The following ERI1 variants were observed in gnomAD, a reference collection of about 807,000 sequenced individuals.
ERI1 encodes the protein 3'-5' exoribonuclease 1.
A neutral mutation model predicts 39.7 loss-of-function variants in ERI1; 39 were observed. The observed-to-expected ratio is 0.98, with a 90% CI of 0.76 to 1.28. The LOEUF is 1.28. Ranked by LOEUF, ERI1 falls within the 50% of genes most tolerant of loss-of-function variation. The pLI is 0.00. For synonymous variants in ERI1, 204 were observed against 149.6 expected (o/e 1.36, Z -2.65); for missense variants, 581 against 416.9 (o/e 1.39, Z -3.43).
Position 9,005,743 on chromosome 8 carries a change from C to T in ERI1, c.109-2227C>T, listed in dbSNP as rs533274074. Among the ~76,000 whole-genome samples, 79 of 152,206 alleles carry T rather than the reference C, an allele frequency of 5.2e-4. 1 individual carries two copies. The highest frequency in any genetic ancestry group is 1.8e-3 in the African/African-American group (76 of 41,508). On this transcript the variant is annotated intron_variant, in intron 1 of 6. Transcript: ENST00000250263. ...TCTCCTGACCTCGTTATCCGCCCGC[C>T]TCGGCCTCCCAAAGTGCTGGGATTA...
rs542305282 is a variant in ERI1 at position 9,004,128 on chromosome 8, C to A, written c.108+957C>A. 58 of 1,289,324 alleles carry A rather than the reference C, an allele frequency of 4.5e-5. No homozygotes were observed. In the African/African-American group the frequency reaches 8.8e-4, roughly 20 times the overall value. The allele number at this position is 1,289,324 out of a possible 1,614,324, so 79.9% of individuals were successfully genotyped here. ...TTGGAAAGAAGGTCTCGTTAAGGAT[C>A]TCTGTATGTTCCTTTTGCCCTGTGT... is the stretch of plus-strand genomic sequence containing the variant. On this transcript the variant is annotated intron_variant, in intron 1 of 6. Transcript: ENST00000250263.
At chr8:9,026,435 A>G (rs1211597245) in intron 6 of ERI1, among the ~76,000 whole-genome samples, 2 of 151,970 alleles carry the variant, frequency 1.3e-5, no homozygotes, top group East Asian at 1.9e-4. Flanking sequence ...TTCTGTCTCT[A>G]TCAGTTTGAC....
At chr8:9,064,744 G>A (rs1798813171) in intron 3 of ERI1, among the ~76,000 whole-genome samples, 1 of 152,104 alleles carries the variant, frequency 6.6e-6, no homozygotes, top group South Asian at 2.1e-4. Flanking sequence ...GGAGGACAGG[G>A]GATTGATCTC....
At chr8:9,097,184 C>T (rs1173153785) in intron 3 of ERI1, among the ~76,000 whole-genome samples, 3 of 152,126 alleles carry the variant, frequency 2.0e-5, no homozygotes, top group African/African-American at 7.2e-5. Flanking sequence ...ATTCAATCCC[C>T]AGCGCTTTCT....
At chr8:9,034,397 G>C (rs1382884725), downstream of ERI1, among the ~76,000 whole-genome samples, 1 of 152,198 alleles carries the variant, frequency 6.6e-6, no homozygotes, top group Non-Finnish European at 1.5e-5. Context: ...TGTGAATCCT[G>C]TGTGGAGAAA....
Position 9,032,231 on chromosome 8 carries a change from T to C in ERI1, c.*2197T>C, listed in dbSNP as rs1050083514. 50 of 152,348 alleles carry C rather than the reference T, an allele frequency of 3.3e-4. No homozygotes were observed. Among genetic ancestry groups the C allele is most frequent in the African/African-American group, 1.0e-3 (43 of 41,580 alleles). The allele number at this position is 152,348 out of a possible 1,614,324, so 9.4% of individuals were successfully genotyped here. On this transcript the variant is annotated 3_prime_UTR_variant, in exon 7 of 7. Coordinates refer to ENST00000250263, the MANE Select transcript of ERI1 (RefSeq NM_153332.4). ...TTTTTACAAGGAAACACGTAAGAGATGGATGTCCATGAAAACAATATTAGT... is the reference window on the plus strand; with the variant it reads ...TTTTTACAAGGAAACACGTAAGAGACGGATGTCCATGAAAACAATATTAGT...
chr8:9,013,304 C>G (rs139896616), intron 3 of ERI1, among the ~76,000 whole-genome samples: 2 of 147,410 alleles, frequency 1.4e-5, no homozygotes, highest in East Asian at 4.0e-4. Flanking sequence ...CGTGAGCCAC[C>G]ATGCCCGGCC....
Position 9,029,469 on chromosome 8 carries a change from C to G in ERI1, c.808-323C>G, listed in dbSNP as rs537056608. On this transcript the variant is annotated intron_variant, in intron 6 of 6. Coordinates refer to ENST00000250263, the MANE Select transcript of ERI1 (RefSeq NM_153332.4). ...TCAGCCTCCCAGGTAGCTGGCATTA[C>G]AGATGTGCACCACCACGCCTGGCTA... Among the ~76,000 whole-genome samples, 5 of 152,226 alleles carry G rather than the reference C, an allele frequency of 3.3e-5. No individual in the cohort carries two copies. In the East Asian group the frequency reaches 9.7e-4, roughly 29 times the overall value.
chr8:9,006,750 T>G (rs1816061171), intron 1 of ERI1, among the ~76,000 whole-genome samples: 1 of 152,190 alleles, frequency 6.6e-6, no homozygotes, highest in African/African-American at 2.4e-5. Context: ...GTTCACACAT[T>G]GGAACTGCTG....
rs1797516855 is a variant in ERI1, at chr8:9,030,569, T to G, written c.*535T>G. ...TCGTAAGGTACTTGGTATACATATC[T>G]GCCTATGTTTCTTTTCAACTCATAA... On this transcript the variant is annotated 3_prime_UTR_variant, in exon 7 of 7. Coordinates refer to ENST00000250263, the MANE Select transcript of ERI1 (RefSeq NM_153332.4). The G allele has an allele frequency of 6.5e-6, 1 of 154,126 alleles. No homozygotes were observed. Among genetic ancestry groups the G allele is most frequent in the Non-Finnish European group, 1.4e-5 (1 of 69,114 alleles). The allele number at this position is 154,126 out of a possible 1,614,324, so 9.5% of individuals were successfully genotyped here. A position where few individuals can be genotyped will look rare whatever the true frequency, so the allele number is the denominator to read the frequency against.
In ERI1 at chr8:9,011,619, T is replaced by A. The variant is rs112570397; in HGVS notation, c.365T>A (p.Phe122Tyr). ...AAGCTGATGCTGAAAGAGAGCAATT[T>A]TGCTGACAGTTATTATGACTACATT... is the stretch of plus-strand genomic sequence containing the variant. ...KQKLMLKESN[F>Y]ADSYYDYICI... is the part of the protein sequence containing the mutation. Residue 122 changes from phenylalanine (F) to tyrosine (Y), a missense_variant, in exon 3 of 7, where the codon TTT (phenylalanine) becomes TAT (tyrosine). Coordinates refer to ENST00000250263, the MANE Select transcript of ERI1 (RefSeq NM_153332.4). 17 of 1,613,556 alleles carry A rather than the reference T, an allele frequency of 1.1e-5. No homozygotes were observed. Among genetic ancestry groups the A allele is most frequent in the Non-Finnish European group, 1.4e-5 (17 of 1,179,626 alleles).
chr8:9,017,592 T>C (rs1354487622), intron 4 of ERI1, among the ~76,000 whole-genome samples: 1 of 152,142 alleles, frequency 6.6e-6, no homozygotes, highest in African/African-American at 2.4e-5. Context: ...ACAGAGGGAA[T>C]AGAAGACTGT....
intron 3 of ERI1, among the ~76,000 whole-genome samples, chr8:9,041,859 C>T (rs748643160): frequency 2.0e-5 from 3 of 152,104 alleles, no homozygotes; most frequent in Admixed American, 6.6e-5. Flanking sequence ...CTCAGCCTCT[C>T]GAGTAGCTGG....
intron 3 of ERI1, among the ~76,000 whole-genome samples, chr8:9,054,292 T>G (rs905903894): frequency 6.6e-6 from 1 of 152,238 alleles, no homozygotes; most frequent in African/African-American, 2.4e-5. Context: ...ACATCAGTTA[T>G]GTACCCACTT....
At chr8:9,034,610 T>G (rs1797781606), downstream of ERI1, among the ~76,000 whole-genome samples, 1 of 152,170 alleles carries the variant, frequency 6.6e-6, no homozygotes, top group Non-Finnish European at 1.5e-5. Flanking sequence ...TTGATAAATG[T>G]CTGTGTTTTC....
At chr8:9,035,779 C>T (rs534529593), downstream of ERI1, among the ~76,000 whole-genome samples, 24 of 152,268 alleles carry the variant, frequency 1.6e-4, no homozygotes, top group South Asian at 2.1e-3. Context: ...GGTAGTGATT[C>T]GTCTGATGGA....
chr8:9,080,090 C>T (rs550107223), intron 3 of ERI1, among the ~76,000 whole-genome samples: 1 of 151,366 alleles, frequency 6.6e-6, no homozygotes, highest in Non-Finnish European at 1.5e-5. Flanking sequence ...TAGTGATTGG[C>T]TGTACATTGT....
intron 3 of ERI1, among the ~76,000 whole-genome samples, chr8:9,074,614 T>C (rs1799151425): frequency 6.6e-6 from 1 of 151,994 alleles, no homozygotes; most frequent in Non-Finnish European, 1.5e-5. Context: ...GCTAATTTTT[T>C]GTAGAGCTGA....
intron 1 of ERI1, among the ~76,000 whole-genome samples, chr8:9,005,271 A>T (rs1460053801): frequency 2.6e-5 from 4 of 152,114 alleles, no homozygotes; most frequent in Non-Finnish European, 5.9e-5. Context: ...CATTTCCAGA[A>T]CATGTTTTCA....
Sources: allele counts gnomAD v4.1 joint callset (sites outside exome capture counted in the v4.1 genomes callset), GRCh38; gene constraint gnomAD v4.1.1; transcripts MANE v1.5; gene names NCBI Gene and HGNC (gene_info 2026-07-23, HGNC 2026-07-21).